The following GPATCH2L variants were observed in gnomAD, a reference collection of about 807,000 sequenced individuals.
GPATCH2L encodes the protein G-patch domain containing 2 like.
Under a neutral mutation model 57.4 loss-of-function variants are expected in GPATCH2L, and 31 were observed. The ratio of observed to expected loss-of-function variants is 0.54; its 90% CI spans 0.41 to 0.73. The LOEUF (loss-of-function observed/expected upper bound fraction) is 0.73. GPATCH2L is among the 30% of genes least tolerant of loss of function. The pLI is 0.00. For synonymous variants in GPATCH2L, 199 were observed against 210.7 expected (o/e 0.94, Z 0.48); for missense variants, 481 against 599.9 (o/e 0.80, Z 2.07).
chr14:76,186,362 G>T (rs764480363), intron 8 of GPATCH2L, among the ~76,000 whole-genome samples: 1 of 152,154 alleles, frequency 6.6e-6, no homozygotes, highest in Non-Finnish European at 1.5e-5. Context: ...CTGCATATCA[G>T]AGTTGTGTGC....
At chr14:76,195,361 A>G (rs1488252102) in intron 8 of GPATCH2L, among the ~76,000 whole-genome samples, 1 of 152,192 alleles carries the variant, frequency 6.6e-6, no homozygotes, top group African/African-American at 2.4e-5. Flanking sequence ...TACCTGTAAA[A>G]TAAAAAGCAT....
intron 2 of GPATCH2L, among the ~76,000 whole-genome samples, chr14:76,231,271 G>A (rs1430156341): frequency 1.3e-5 from 2 of 152,176 alleles, no homozygotes; most frequent in Non-Finnish European, 2.9e-5. Flanking sequence ...CAAAGGGTTT[G>A]CCAGGCTGAA....
intron 2 of GPATCH2L, among the ~76,000 whole-genome samples, chr14:76,233,649 A>C (rs978024459): frequency 2.6e-5 from 4 of 152,188 alleles, no homozygotes; most frequent in African/African-American, 9.7e-5. Context: ...TTAATATTTC[A>C]GTATGAATTT....
rs2040458124 is a variant in GPATCH2L at position 76,212,954 on chromosome 14, A to G, written c.*11103A>G. On this transcript the variant is annotated 3_prime_UTR_variant, in exon 10 of 10. Coordinates refer to ENST00000261530, the MANE Select transcript of GPATCH2L (RefSeq NM_017926.4). Reference sequence around the variant, plus strand: ...GCAAAGTATTAAAAAAACATTTCATATCTAAAATATAAACTTGTTCCTCTG... The same window carrying G: ...GCAAAGTATTAAAAAAACATTTCATGTCTAAAATATAAACTTGTTCCTCTG... 1 of 152,302 alleles carries G rather than the reference A, an allele frequency of 6.6e-6. No homozygotes were observed. The highest frequency in any genetic ancestry group is 2.4e-5 in the African/African-American group (1 of 41,578). 9.4% of individuals were successfully genotyped at this position (152,302 alleles called of 1,614,324 possible).
downstream of GPATCH2L, among the ~76,000 whole-genome samples, chr14:76,219,024 G>GAAAAAAAAA (rs1555384464): frequency 1.5e-5 from 2 of 137,482 alleles, no homozygotes; most frequent in Admixed American, 7.2e-5. Context: ...AAAAAAAAAG[G>GAAAAAAAAA]AAAGTTATTT....
downstream of GPATCH2L, among the ~76,000 whole-genome samples, chr14:76,214,559 A>G (rs947999457): frequency 6.6e-6 from 1 of 152,210 alleles, no homozygotes; most frequent in Non-Finnish European, 1.5e-5. Context: ...TCAGGTTCAT[A>G]GATGGCACCT....
chr14:76,230,573 A>G (rs2040556583), intron 2 of GPATCH2L, among the ~76,000 whole-genome samples: 1 of 152,166 alleles, frequency 6.6e-6, no homozygotes, highest in South Asian at 2.1e-4. Flanking sequence ...TTTGTTGGGA[A>G]GAACAAACAA....
chr14:76,204,150 CTT>C lies in GPATCH2L; in HGVS notation c.*2301_*2302del, dbSNP rs2040348785. ...ACTAAGCCAGGACTAGAATCCCAGA[CTT>C]TCAGATTTTCTCTGCCCTGGGTTAT... On this transcript the variant is annotated 3_prime_UTR_variant, in exon 10 of 10. Transcript: ENST00000261530. 6.6e-6 allele frequency: 1 copy of C among 152,212 alleles called. No individual in the cohort carries two copies. The allele number at this position is 152,212 out of a possible 1,614,324, so 9.4% of individuals were successfully genotyped here. A position where few individuals can be genotyped will look rare whatever the true frequency, so the allele number is the denominator to read the frequency against.
chr14:76,158,922 A>G (rs1400992124), intron 2 of GPATCH2L, among the ~76,000 whole-genome samples: 1 of 152,178 alleles, frequency 6.6e-6, no homozygotes, highest in East Asian at 1.9e-4. Context: ...AAAAGAGTCT[A>G]CCTCTTAAAA....
rs2038185342 is a variant in GPATCH2L at position 76,154,191 on chromosome 14, A to G, written c.-10-163A>G. 1.7e-6 allele frequency: 1 copy of G among 586,506 alleles called. No individual in the cohort carries two copies. The highest frequency in any genetic ancestry group is 2.3e-5 in the South Asian group (1 of 43,216). 36.3% of individuals were successfully genotyped at this position (586,506 alleles called of 1,614,324 possible). Reference sequence around the variant, plus strand: ...AAGGAAGTGGTAGGAACAGAATCTAAGTGTAGCCAGATGAAAGGTGACTTA... The same window carrying G: ...AAGGAAGTGGTAGGAACAGAATCTAGGTGTAGCCAGATGAAAGGTGACTTA... On this transcript the variant is annotated intron_variant, in intron 1 of 9. Coordinates refer to ENST00000261530, the MANE Select transcript of GPATCH2L (RefSeq NM_017926.4). This position sits in a 1 kb window ranked among gnomAD's most constrained non-coding sequence, Gnocchi z 4.4.
intron 3 of GPATCH2L, among the ~76,000 whole-genome samples, chr14:76,171,438 A>G (rs1438846437): frequency 6.6e-6 from 1 of 152,142 alleles, no homozygotes; most frequent in African/African-American, 2.4e-5. Context: ...TTAGCCAGGC[A>G]TGGTGGCGGG....
intron 1 of GPATCH2L, 91 bp downstream of exon 1, chr14:76,152,082 G>C (rs1336837572): frequency 6.5e-6 from 1 of 152,758 alleles, no homozygotes; most frequent in African/African-American, 2.4e-5. Context: ...AGCGGCTAAG[G>C]GCGTCTTGGG....
chr14:76,193,901 T>C (rs1198584834), intron 8 of GPATCH2L, among the ~76,000 whole-genome samples: 1 of 152,184 alleles, frequency 6.6e-6, no homozygotes, highest in Non-Finnish European at 1.5e-5. Context: ...ATAAGGATGA[T>C]TGAATAAGAT....
chr14:76,222,952 T>C (rs1339041023), intron 1 of GPATCH2L, among the ~76,000 whole-genome samples: 2 of 114,958 alleles, frequency 1.7e-5, no homozygotes, highest in East Asian at 5.1e-4. Context: ...TGAGACTGTG[T>C]TCAAAAAAAA....
intron 1 of GPATCH2L, among the ~76,000 whole-genome samples, chr14:76,227,716 AC>A (rs2040542064): frequency 1.3e-5 from 1 of 78,000 alleles, no homozygotes; most frequent in South Asian, 5.4e-4. Context: ...TGGATAAAGT[AC>A]TACTTACAAG....
At chr14:76,168,028 G>A (rs545402749) in intron 3 of GPATCH2L, among the ~76,000 whole-genome samples, 2 of 152,286 alleles carry the variant, frequency 1.3e-5, no homozygotes, top group East Asian at 1.9e-4. Flanking sequence ...AGTTTATCAC[G>A]AGAGATTATA....
At chr14:76,222,476 G>A (rs147194576) in intron 1 of GPATCH2L, among the ~76,000 whole-genome samples, 6,033 of 151,550 alleles carry the variant, frequency 0.04, 211 homozygotes, top group East Asian at 0.13. Context: ...GCGTGGTGGC[G>A]TGCACCTGTA....
Position 76,154,652 on chromosome 14 carries a change from C to A in GPATCH2L, c.289C>A (p.His97Asn). 6.2e-7 allele frequency: 1 copy of A among 1,614,246 alleles called. No individual in the cohort carries two copies. The highest frequency in any genetic ancestry group is 8.5e-7 in the Non-Finnish European group (1 of 1,180,042). Residue 97 changes from histidine to asparagine, a missense_variant, in exon 2 of 10, where the codon CAC becomes AAC. Physicochemically the swap from His to Asn is moderately conservative, Grantham distance 68 (BLOSUM62 1). This residue lies in a region of GPATCH2L where 208 missense variants were observed against 272.4 expected (regional missense o/e 0.76). Coordinates refer to ENST00000261530, the MANE Select transcript of GPATCH2L (RefSeq NM_017926.4). The surrounding 1 kb of genome is among the most constrained non-coding windows in gnomAD (Gnocchi z 4.4). ...DSDDTMVAKR[H>N]PALNAIVKSK... ...TGATGACACAATGGTAGCCAAACGA[C>A]ACCCAGCTCTCAATGCCATTGTCAA...
Position 76,201,865 on chromosome 14 carries a change from A to G in GPATCH2L, c.*14A>G. On this transcript the variant is annotated 3_prime_UTR_variant, in exon 10 of 10. Transcript: ENST00000261530. ...GGATACAGCTAGAGAGCAGGACTTCACCCTCCAGGAGCTGACTGGGTGTTG... is the reference window on the plus strand; with the variant it reads ...GGATACAGCTAGAGAGCAGGACTTCGCCCTCCAGGAGCTGACTGGGTGTTG... 6.2e-7 allele frequency: 1 copy of G among 1,609,666 alleles called. No homozygotes were observed. Among genetic ancestry groups the G allele is most frequent in the Admixed American group, 1.7e-5 (1 of 59,362 alleles).
Sources: gnomAD v4.1 joint callset for allele counts (sites outside exome capture counted in the v4.1 genomes callset) on GRCh38, gnomAD v4.1.1 for gene constraint, gnomAD v4.1.1 regional missense constraint, Gnocchi (gnomAD v3.1) non-coding constraint, MANE v1.5 for transcripts, NCBI Gene and HGNC (gene_info 2026-07-23, HGNC 2026-07-21) for gene names.